Variants in ZNF107 observed in about 807,000 individuals in gnomAD.
The protein encoded by ZNF107 is zinc finger protein 107, also known as C2H2 type zinc-finger protein.
Under a neutral mutation model 12.3 loss-of-function variants are expected in ZNF107, and 19 were observed. The ratio of observed to expected loss-of-function variants is 1.55; its 90% CI spans 1.08 to 2.27. ZNF107 has a LOEUF of 2.27. Among genes scored for constraint, ZNF107 ranks in the 30% most tolerant of loss-of-function variants. The pLI is 0.00. For synonymous variants in ZNF107, 317 were observed against 330.5 expected, an observed-to-expected ratio of 0.96 and a Z score of 0.44; for missense variants, 958 against 979.9, an observed-to-expected ratio of 0.98 and a Z score of 0.30.
chr7:64,706,248 TTTTATAGA>T (rs1339462532), intron 3 of ZNF107, 68 bp from the exon 4 acceptor site: 1 of 1,259,774 alleles, frequency 7.9e-7, no homozygotes, highest in Non-Finnish European at 1.0e-6. Context: ...GTTTGTATAA[TTTTATAGA>T]TTAGATTTTA....
Position 64,708,665 on chromosome 7 carries a change from A to G in ZNF107, c.*9A>G, listed in dbSNP as rs781425970. 1 of 1,588,166 alleles carries G rather than the reference A, an allele frequency of 6.3e-7. No individual in the cohort carries two copies. The highest frequency in any genetic ancestry group is 2.3e-5 in the East Asian group (1 of 44,372). Reference sequence around the variant, plus strand: ...AGTATGGCAAAACTTAATTGATCCTACAAGCTTACTACACATAGGAAAATT... The same window carrying G: ...AGTATGGCAAAACTTAATTGATCCTGCAAGCTTACTACACATAGGAAAATT... On this transcript the variant is annotated 3_prime_UTR_variant, in exon 4 of 4. Coordinates refer to ENST00000620827, the MANE Select transcript of ZNF107 (RefSeq NM_001282359.2).
At position 64,711,157 on chromosome 7, in the gene ZNF107, A is replaced by C. The variant is rs553107410; in HGVS notation, c.*2501A>C. On this transcript the variant is annotated 3_prime_UTR_variant, in exon 4 of 4. Transcript: ENST00000620827. Reference sequence around the variant, plus strand: ...CCACATTACTCAAGGGTTTAGGTAAAAGAGGGTAACAGTATACTACTTGAT... The same window carrying C: ...CCACATTACTCAAGGGTTTAGGTAACAGAGGGTAACAGTATACTACTTGAT... 6.6e-6 allele frequency: 1 copy of C among 152,282 alleles called. No individual in the cohort carries two copies. Among genetic ancestry groups the C allele is most frequent in the Non-Finnish European group, 1.5e-5 (1 of 68,008 alleles). The allele number at this position is 152,282 out of a possible 1,614,324, so 9.4% of individuals were successfully genotyped here. A position where few individuals can be genotyped will look rare whatever the true frequency, so the allele number is the denominator to read the frequency against.
At position 64,708,281 on chromosome 7, in the gene ZNF107, T is replaced by C; in HGVS notation, c.2184T>C (p.Thr728=). 1 of 1,613,614 alleles carries C rather than the reference T, an allele frequency of 6.2e-7. No individual in the cohort carries two copies. Among genetic ancestry groups the C allele is most frequent in the Non-Finnish European group, 8.5e-7 (1 of 1,179,814 alleles). ...STLNRHKIIH[T]GEKPYKCKEC... is the part of the protein sequence containing the mutation. ...TTAATAGACATAAGATAATTCATAC[T>C]GGAGAGAAACCTTACAAATGTAAAG... The change falls in exon 4 of 4, where the codon ACT becomes ACC. Residue 728 remains threonine (T), a synonymous_variant. Transcript: ENST00000620827.
At chr7:64,694,462 C>T (rs1306692334) in intron 3 of ZNF107, among the ~76,000 whole-genome samples, 1 of 152,114 alleles carries the variant, frequency 6.6e-6, no homozygotes, top group African/African-American at 2.4e-5. Context: ...GAACTCGGAG[C>T]TCTCTTAAAG....
chr7:64,677,538 A>T (rs368643273), intron 1 of ZNF107, among the ~76,000 whole-genome samples: 2 of 150,090 alleles, frequency 1.3e-5, no homozygotes, highest in East Asian at 4.0e-4. Context: ...TTTCAGTTGC[A>T]TACAGTGTGC....
intron 1 of ZNF107, chr7:64,689,376 G>A (rs775427469): frequency 6.6e-6 from 1 of 152,172 alleles, no homozygotes; most frequent in Non-Finnish European, 1.5e-5. Flanking sequence ...TTCCCTTTGA[G>A]AGTGTTGCTC....
rs1470864170 is a variant in ZNF107 at position 64,706,596 on chromosome 7, C to T, written c.499C>T (p.His167Tyr). 1 of 1,612,686 alleles carries T rather than the reference C, an allele frequency of 6.2e-7. No homozygotes were observed. The highest frequency in any genetic ancestry group is 1.7e-5 in the Admixed American group (1 of 59,736). ...AAATTCAAATAGATATAAGAGAAGA[C>T]ATACAGGAAACAAACACTTCAAATG... is the stretch of plus-strand genomic sequence containing the variant. ...FSNSNRYKRR[H>Y]TGNKHFKCKE... The change falls in exon 4 of 4, where the codon CAT becomes TAT. Residue 167 changes from histidine (H) to tyrosine (Y), a missense_variant. Physicochemically the swap from His to Tyr is moderately conservative, Grantham distance 83 (BLOSUM62 2). Transcript: ENST00000620827.
chr7:64,675,730 T>C (rs1163457925), intron 1 of ZNF107, among the ~76,000 whole-genome samples: 1 of 152,228 alleles, frequency 6.6e-6, no homozygotes, highest in African/African-American at 2.4e-5. Flanking sequence ...ATGTGAACAT[T>C]TGGTGCTATA....
chr7:64,691,313 T>G lies in ZNF107; in HGVS notation c.69T>G (p.Thr23=), dbSNP rs1239300046. ...FSLEEWQCLD[T]AQRDLYRNVL... Reference sequence around the variant, plus strand: ...TGGAGGAGTGGCAATGCCTGGATACTGCACAGCGGGATTTATATAGGAATG... The same window carrying G: ...TGGAGGAGTGGCAATGCCTGGATACGGCACAGCGGGATTTATATAGGAATG... Residue 23 remains threonine (T), a synonymous_variant, in exon 2 of 4, where the codon ACT becomes ACG. Coordinates refer to ENST00000620827, the MANE Select transcript of ZNF107 (RefSeq NM_001282359.2). 1.9e-5 allele frequency: 30 copies of G among 1,548,634 alleles called. No individual in the cohort carries two copies. In the Middle Eastern group the frequency reaches 2.4e-3, roughly 125 times the overall value.
In ZNF107 at chr7:64,687,292, A is replaced by AT. The variant is rs531517076; in HGVS notation, c.4-3955dup. ...CTGGAAATCCAGCAGAGTGATTTCC[A>AT]TGTCACCATTACAAATAAAAAACTG... is the stretch of plus-strand genomic sequence containing the variant. On this transcript the variant is annotated intron_variant, in intron 1 of 3. Transcript: ENST00000620827. 178 of 985,682 alleles carry AT rather than the reference A, an allele frequency of 1.8e-4. No individual in the cohort carries two copies. The African/African-American group carries it at 3.0e-3, about 17-fold the overall frequency. 61.1% of individuals were successfully genotyped at this position (985,682 alleles called of 1,614,324 possible). A position where few individuals can be genotyped will look rare whatever the true frequency, so the allele number is the denominator to read the frequency against.
Position 64,708,897 on chromosome 7 carries a change from A to G in ZNF107, c.*241A>G. On this transcript the variant is annotated 3_prime_UTR_variant, in exon 4 of 4. Coordinates refer to ENST00000620827, the MANE Select transcript of ZNF107 (RefSeq NM_001282359.2). The stretch of plus-strand genomic sequence containing the variant: ...ATCCTACAAATGTGAAAAATGTGGC[A>G]AATCCTTTAACTGATCCTCAACTTT... 5.1e-6 allele frequency: 3 copies of G among 591,932 alleles called. No individual in the cohort carries two copies. The highest frequency in any genetic ancestry group is 2.9e-5 in the East Asian group (1 of 34,476). 36.7% of individuals were successfully genotyped at this position (591,932 alleles called of 1,614,324 possible). A position where few individuals can be genotyped will look rare whatever the true frequency, so the allele number is the denominator to read the frequency against.
chr7:64,700,093 C>T (rs1790424547), intron 3 of ZNF107, among the ~76,000 whole-genome samples: 1 of 147,852 alleles, frequency 6.8e-6, no homozygotes, highest in South Asian at 2.1e-4. Flanking sequence ...TGTACATTCT[C>T]TTGCTTTTGA....
intron 1 of ZNF107, chr7:64,686,827 A>C (rs1177336288): frequency 1.6e-5 from 15 of 939,158 alleles, no homozygotes; most frequent in Non-Finnish European, 1.9e-5. Context: ...CTCCGGGCTG[A>C]CTCCCTTTTC....
intron 3 of ZNF107, among the ~76,000 whole-genome samples, chr7:64,697,021 A>G (rs1178771145): frequency 6.6e-6 from 1 of 151,374 alleles, no homozygotes; most frequent in East Asian, 2.0e-4. Context: ...CCTGTGTCCA[A>G]GTGTTCTCAT....
At chr7:64,699,303 G>A (rs1407365655) in intron 3 of ZNF107, among the ~76,000 whole-genome samples, 2 of 152,048 alleles carry the variant, frequency 1.3e-5, no homozygotes, top group East Asian at 1.9e-4. Context: ...GTTGAACAGT[G>A]TGTTTTATTT....
chr7:64,690,505 G>A, intron 1 of ZNF107: 1 of 983,452 alleles, frequency 1.0e-6, no homozygotes, highest in Non-Finnish European at 1.2e-6. Flanking sequence ...AATTCCACAA[G>A]GAGATAAATG....
At position 64,707,676 on chromosome 7, in the gene ZNF107, C is replaced by T. The variant is rs543864224; in HGVS notation, c.1579C>T (p.His527Tyr). ...TAGCCAGTCTTCAAACCTTACTGAA[C>T]ATAAGAAAATTCATACTGGAGAGAA... ...AFSQSSNLTE[H>Y]KKIHTGEKPY... The change falls in exon 4 of 4, where the codon CAT becomes TAT. Residue 527 changes from histidine (H) to tyrosine (Y), a missense_variant. His to Tyr is a moderately conservative substitution (Grantham distance 83). Transcript: ENST00000620827. The T allele has an allele frequency of 6.2e-7, 1 of 1,612,624 alleles. No individual in the cohort carries two copies. The highest frequency in any genetic ancestry group is 1.3e-5 in the African/African-American group (1 of 74,944).
At position 64,676,662 on chromosome 7, in the gene ZNF107, G is replaced by A. The variant is rs567408045; in HGVS notation, c.3+10377G>A. 4.6e-5 allele frequency among the ~76,000 whole-genome samples: 7 copies of A among 152,298 alleles called. No homozygotes were observed. The South Asian group carries it at 1.0e-3, about 23-fold the overall frequency. On this transcript the variant is annotated intron_variant, in intron 1 of 3. Transcript: ENST00000620827. ...TCCCTTTTGGTTCCTAAATAAGATG[G>A]TTAAAAGATGAAAAGCTGCATACCT... is the stretch of plus-strand genomic sequence containing the variant.
Position 64,708,792 on chromosome 7 carries a change from T to G in ZNF107, c.*136T>G. The G allele has an allele frequency of 2.3e-6, 2 of 867,082 alleles. No homozygotes were observed. Among genetic ancestry groups the G allele is most frequent in the East Asian group, 2.7e-5 (1 of 37,562 alleles). The allele number at this position is 867,082 out of a possible 1,614,324, so 53.7% of individuals were successfully genotyped here. On this transcript the variant is annotated 3_prime_UTR_variant, in exon 4 of 4. Coordinates refer to ENST00000620827, the MANE Select transcript of ZNF107 (RefSeq NM_001282359.2). Reference sequence around the variant, plus strand: ...AGGTATTTTATACTGGTGAGAAACCTTACAATGTAAAGAATGTGGCACAGC... The same window carrying G: ...AGGTATTTTATACTGGTGAGAAACCGTACAATGTAAAGAATGTGGCACAGC...
Sources: allele counts gnomAD v4.1 joint callset (sites outside exome capture counted in the v4.1 genomes callset), GRCh38; gene constraint gnomAD v4.1.1; transcripts MANE v1.5; gene names NCBI Gene and HGNC (gene_info 2026-07-23, HGNC 2026-07-21).